Variants in EIF4E3 observed in about 807,000 individuals in gnomAD.
The protein encoded by EIF4E3 is eukaryotic translation initiation factor 4E type 3.
Under a neutral mutation model 31.7 loss-of-function variants are expected in EIF4E3, and 26 were observed. The ratio of observed to expected loss-of-function variants is 0.82; its 90% CI spans 0.60 to 1.14. EIF4E3 has a LOEUF of 1.14. Among genes scored for constraint, EIF4E3 ranks in the 50% most tolerant of loss-of-function variants. The probability of loss-of-function intolerance (pLI) is 0.00; values close to 1 mark genes in which losing one functional copy is unlikely to be tolerated. For synonymous variants in EIF4E3, 128 were observed against 107.7 expected (o/e 1.19, Z -1.17); for missense variants, 304 against 270.9 (o/e 1.12, Z -0.86).
chr3:71,718,697 G>C (rs185228746), intron 1 of EIF4E3, among the ~76,000 whole-genome samples: 2 of 152,314 alleles, frequency 1.3e-5, no homozygotes. Context: ...GCTAGTGCCA[G>C]GTAAGGACCA....
intron 2 of EIF4E3, among the ~76,000 whole-genome samples, chr3:71,706,074 A>C (rs2108065512): frequency 6.6e-6 from 1 of 152,364 alleles, no homozygotes; most frequent in Middle Eastern, 3.4e-3. Flanking sequence ...ATTTTCCAAG[A>C]AAGTTAGGAA....
chr3:71,723,144 T>C (rs1409273509), intron 1 of EIF4E3, among the ~76,000 whole-genome samples: 1 of 152,182 alleles, frequency 6.6e-6, no homozygotes, highest in East Asian at 1.9e-4. Context: ...AAGGCTGCCT[T>C]GGAGGGCTCT....
chr3:71,725,224 C>A lies in EIF4E3; in HGVS notation c.144G>T (p.Pro48=). The change falls in exon 1 of 7, where the codon CCG becomes CCT. Residue 48 remains proline, a synonymous_variant. Coordinates refer to ENST00000425534, the MANE Select transcript of EIF4E3 (RefSeq NM_001134651.2). This position sits in a 1 kb window ranked among gnomAD's most constrained non-coding sequence, Gnocchi z 6.1. The part of the protein sequence containing the change: ...SALQPEPGGV[P]LHSSWTFWLD... ...GCCAGAAGGTCCAGGACGAGTGCAGCGGGACCCCGCCCGGCTCAGGCTGCA... is the reference window on the plus strand; with the variant it reads ...GCCAGAAGGTCCAGGACGAGTGCAGAGGGACCCCGCCCGGCTCAGGCTGCA... 1 of 1,135,724 alleles carries A rather than the reference C, an allele frequency of 8.8e-7. No homozygotes were observed. 70.4% of individuals were successfully genotyped at this position (1,135,724 alleles called of 1,614,324 possible).
the EIF4E3 span, among the ~76,000 whole-genome samples, chr3:71,661,357 G>C: frequency 6.6e-6 from 1 of 151,938 alleles, no homozygotes; most frequent in African/African-American, 2.4e-5. Flanking sequence ...GCTCCCAAAG[G>C]GTCCTCAATT....
intron 3 of EIF4E3, 140 bp from the exon 4 acceptor site, chr3:71,696,660 GTTTT>G: frequency 1.1e-6 from 1 of 930,350 alleles, no homozygotes. Context: ...TCTTATTTTT[GTTTT>G]TTATTTTTTA....
At position 71,681,983 on chromosome 3, in the gene EIF4E3, T is replaced by A. The variant is rs1158266718; in HGVS notation, c.*2699A>T. On this transcript the variant is annotated 3_prime_UTR_variant, in exon 7 of 7. Coordinates refer to ENST00000425534, the MANE Select transcript of EIF4E3 (RefSeq NM_001134651.2). ...ATGTTTGCAGTAAATTACACCCTCA[T>A]TTAAGAAATGTGGAAAAGTTGGGGG... The A allele has an allele frequency of 6.6e-6, 1 of 152,170 alleles. No individual in the cohort carries two copies. 9.4% of individuals were successfully genotyped at this position (152,170 alleles called of 1,614,324 possible).
intron 1 of EIF4E3, among the ~76,000 whole-genome samples, chr3:71,715,377 C>A (rs529613419): frequency 3.9e-5 from 6 of 152,328 alleles, no homozygotes; most frequent in Admixed American, 3.3e-4. Flanking sequence ...TAGAAAAAGG[C>A]CTTTTCCCAT....
chr3:71,689,331 C>T (rs1243359114), intron 6 of EIF4E3, among the ~76,000 whole-genome samples: 1 of 152,110 alleles, frequency 6.6e-6, no homozygotes, highest in Non-Finnish European at 1.5e-5. Flanking sequence ...AATGTGTGAC[C>T]TGCAGTCTGA....
rs1341613428 is a variant in EIF4E3 at position 71,680,461 on chromosome 3, G to A, written c.*4221C>T. ...TCTAAAATTCTAAGAGTCCCTGAATGTTCTTTTAAAAATGGATTTATGTCA... is the reference window on the plus strand; with the variant it reads ...TCTAAAATTCTAAGAGTCCCTGAATATTCTTTTAAAAATGGATTTATGTCA... On this transcript the variant is annotated 3_prime_UTR_variant, in exon 7 of 7. Coordinates refer to ENST00000425534, the MANE Select transcript of EIF4E3 (RefSeq NM_001134651.2). 1 of 152,132 alleles carries A rather than the reference G, an allele frequency of 6.6e-6. No homozygotes were observed. The highest frequency in any genetic ancestry group is 1.9e-4 in the East Asian group (1 of 5,198). The allele number at this position is 152,132 out of a possible 1,614,324, so 9.4% of individuals were successfully genotyped here. A position where few individuals can be genotyped will look rare whatever the true frequency, so the allele number is the denominator to read the frequency against.
At chr3:71,700,612 TAAA>T (rs377334249) in intron 2 of EIF4E3, among the ~76,000 whole-genome samples, 212 of 127,336 alleles carry the variant, frequency 1.7e-3, no homozygotes, top group African/African-American at 5.6e-3. Context: ...AGACTCCGTT[TAAA>T]AAAAAAAAAA....
chr3:71,726,941 T>C (rs2049646570), upstream of EIF4E3, among the ~76,000 whole-genome samples: 1 of 152,238 alleles, frequency 6.6e-6, no homozygotes. Flanking sequence ...CTGAGCACTT[T>C]ACCCGTAATA....
At chr3:71,710,373 G>C in intron 2 of EIF4E3, 39 bp downstream of exon 2, 1 of 1,540,678 alleles carries the variant, frequency 6.5e-7, no homozygotes, top group South Asian at 1.2e-5. Flanking sequence ...TGTCTGACGT[G>C]TGCCGTGTTA....
chr3:71,715,070 T>C (rs1223758498), intron 1 of EIF4E3, among the ~76,000 whole-genome samples: 2 of 152,220 alleles, frequency 1.3e-5, no homozygotes, highest in Non-Finnish European at 2.9e-5. Context: ...CTGAGAGTGA[T>C]GTTGCACCCC....
chr3:71,752,820 G>A (rs1371856268), intron 1 of EIF4E3, among the ~76,000 whole-genome samples: 1 of 152,242 alleles, frequency 6.6e-6, no homozygotes, highest in Non-Finnish European at 1.5e-5. Flanking sequence ...GAGGGAGCCT[G>A]TTGTGGGGCT....
intron 5 of EIF4E3, among the ~76,000 whole-genome samples, chr3:71,690,369 T>C (rs548280538): frequency 1.3e-5 from 2 of 152,348 alleles, no homozygotes; most frequent in South Asian, 4.1e-4. Flanking sequence ...AGCAGTCACA[T>C]CACATTTATC....
chr3:71,696,342 C>G, intron 4 of EIF4E3, 118 bp downstream of exon 4: 1 of 1,047,210 alleles, frequency 9.5e-7, no homozygotes, highest in African/African-American at 1.6e-5. Flanking sequence ...TTTCTCACCC[C>G]CAGCCTGTTT....
Position 71,682,967 on chromosome 3 carries a change from A to G in EIF4E3, c.*1715T>C, listed in dbSNP as rs1415654545. On this transcript the variant is annotated 3_prime_UTR_variant, in exon 7 of 7. Coordinates refer to ENST00000425534, the MANE Select transcript of EIF4E3 (RefSeq NM_001134651.2). ...CCAGAATAATTTTTTAAAATTCTTG[A>G]GTCATAATTTTAAAACAAGTTGAAT... 1.3e-5 allele frequency: 2 copies of G among 152,212 alleles called. No individual in the cohort carries two copies. The highest frequency in any genetic ancestry group is 2.9e-5 in the Non-Finnish European group (2 of 68,032). 9.4% of individuals were successfully genotyped at this position (152,212 alleles called of 1,614,324 possible). A position where few individuals can be genotyped will look rare whatever the true frequency, so the allele number is the denominator to read the frequency against.
At chr3:71,667,924 A>G in the EIF4E3 span, among the ~76,000 whole-genome samples, 181 of 152,348 alleles carry the variant, frequency 1.2e-3, no homozygotes, top group South Asian at 8.3e-3. Flanking sequence ...ATATGGAACC[A>G]AAAAAGAGCC....
chr3:71,745,387 C>T (rs1268850173), intron 1 of EIF4E3, among the ~76,000 whole-genome samples: 1 of 152,060 alleles, frequency 6.6e-6, no homozygotes, highest in South Asian at 2.1e-4. Context: ...GTAGGTACAT[C>T]CTTAAAGATG....
Sources: allele counts gnomAD v4.1 joint callset (sites outside exome capture counted in the v4.1 genomes callset), GRCh38; gene constraint gnomAD v4.1.1; non-coding constraint Gnocchi (gnomAD v3.1); transcripts MANE v1.5; gene names NCBI Gene and HGNC (gene_info 2026-07-23, HGNC 2026-07-21).